Variants in UTRN observed in about 807,000 individuals in gnomAD.
UTRN encodes the protein dystrophin-related protein 1.
Under a neutral mutation model 463.9 loss-of-function variants are expected in UTRN, and 283 were observed. The ratio of observed to expected loss-of-function variants is 0.61; its 90% CI spans 0.55 to 0.67. The LOEUF is 0.67. Among genes scored for constraint, UTRN ranks in the 30% least tolerant of loss-of-function variants. UTRN has a pLI of 0.00. For synonymous variants in UTRN, 1,442 were observed against 1,431.5 expected, an observed-to-expected ratio of 1.01 and a Z score of -0.17; for missense variants, 3,922 against 4,084.3, an observed-to-expected ratio of 0.96 and a Z score of 1.08.
At chr6:144,361,774 T>TC (rs1554225859) in intron 2 of UTRN, among the ~76,000 whole-genome samples, 1 of 143,662 alleles carries the variant, frequency 7.0e-6, no homozygotes, top group Non-Finnish European at 1.5e-5. Context: ...CTTTCTTTCT[T>TC]TTTTTTTTTT....
chr6:144,774,217 C>A (rs1775104946), intron 59 of UTRN, 73 bp from the exon 60 acceptor site: 5 of 1,373,636 alleles, frequency 3.6e-6, no homozygotes, highest in African/African-American at 1.5e-5. Flanking sequence ...CCAAAGTAAC[C>A]AAATACATTC....
In UTRN at chr6:144,782,023, A is replaced by G. The variant is rs1248126863; in HGVS notation, c.8734A>G (p.Thr2912Ala). The G allele has an allele frequency of 1.2e-6, 2 of 1,613,994 alleles. No homozygotes were observed. The highest frequency in any genetic ancestry group is 1.7e-6 in the Non-Finnish European group (2 of 1,179,990). The change falls in exon 61 of 75, where the codon ACA becomes GCA. Residue 2912 changes from threonine to alanine, a missense_variant. Transcript: ENST00000367545. ...LSVPDVINCL[T>A]TTYDGLEQMH... is the part of the protein sequence containing the mutation. ...TGTTCCAGATGTCATCAACTGTCTG[A>G]CAACAACTTATGATGGACTTGAGCA...
chr6:144,428,472 C>A (rs1428465110), intron 7 of UTRN, among the ~76,000 whole-genome samples: 1 of 148,460 alleles, frequency 6.7e-6, no homozygotes, highest in Non-Finnish European at 1.5e-5. Flanking sequence ...GTAGGTTTCC[C>A]TTTACCCCCT....
intron 28 of UTRN, among the ~76,000 whole-genome samples, chr6:144,487,000 C>G (rs1005633239): frequency 3.3e-5 from 5 of 152,122 alleles, no homozygotes; most frequent in Non-Finnish European, 7.4e-5. Context: ...GTATATAAAA[C>G]AATGCCTCTT....
intron 51 of UTRN, among the ~76,000 whole-genome samples, chr6:144,655,293 G>C (rs118176232): frequency 1.3e-5 from 2 of 152,186 alleles, no homozygotes; most frequent in Non-Finnish European, 2.9e-5. Flanking sequence ...CTTGAAAGTC[G>C]AAATGTATGG....
intron 2 of UTRN, among the ~76,000 whole-genome samples, chr6:144,314,617 GTTACATAAAGCCTCCAGAGGAGTT>G (rs1480123774): frequency 1.3e-5 from 2 of 152,178 alleles, no homozygotes; most frequent in Non-Finnish European, 2.9e-5. Flanking sequence ...TATGCCCTAT[GTTACATAAAGCCTCCAGAGGAGTT>G]TGGGACAGTA....
In UTRN at chr6:144,403,160, A is replaced by G. The variant is rs1451408215; in HGVS notation, c.117A>G (p.Lys39=). 7 of 1,613,492 alleles carry G rather than the reference A, an allele frequency of 4.3e-6. No individual in the cohort carries two copies. The African/African-American group carries it at 5.3e-5, about 12-fold the overall frequency. Residue 39 remains lysine (K), a synonymous_variant, in exon 3 of 75, where the codon AAA becomes AAG. Transcript: ENST00000367545. ...HNDVQKKTFT[K]WINARFSKSG... is the part of the protein sequence containing the mutation. ...ACGTACAGAAGAAAACCTTTACCAA[A>G]TGGATAAATGCTCGATTTTCAAAGG...
At chr6:144,807,604 C>T (rs1031008149) in intron 65 of UTRN, among the ~76,000 whole-genome samples, 21 of 152,006 alleles carry the variant, frequency 1.4e-4, no homozygotes, top group African/African-American at 5.1e-4. Context: ...TCCATATGTC[C>T]AAATCCCACC....
At chr6:144,700,393 T>A in intron 53 of UTRN, 150 bp downstream of exon 53, 3 of 877,110 alleles carry the variant, frequency 3.4e-6, no homozygotes, top group Non-Finnish European at 4.9e-6. Context: ...AGTAGACATT[T>A]AAAGTGCATA....
Position 144,751,850 on chromosome 6 carries a change from G to A in UTRN, c.8253G>A (p.Thr2751=), listed in dbSNP as rs114686252. Residue 2751 remains threonine (T), a synonymous_variant, in exon 56 of 75, where the codon ACG becomes ACA. Coordinates refer to ENST00000367545, the MANE Select transcript of UTRN (RefSeq NM_007124.3). ...CACCAATCAACTTTAAAGTTAAAAC[G>A]GTGAATGATTTATCCAGTCAGCTGT... is the stretch of plus-strand genomic sequence containing the variant. The part of the protein sequence containing the change: ...EIAPINFKVK[T]VNDLSSQLSP... The A allele has an allele frequency of 2.0e-3, 3,194 of 1,611,144 alleles. 54 individuals are homozygous for A. The African/African-American group carries it at 0.038, about 19-fold the overall frequency.
chr6:144,599,813 A>G (rs1362021146), intron 51 of UTRN, among the ~76,000 whole-genome samples: 1 of 152,144 alleles, frequency 6.6e-6, no homozygotes, highest in African/African-American at 2.4e-5. Context: ...CCCCCATCTT[A>G]TCACACATAG....
At position 144,451,472 on chromosome 6, in the gene UTRN, C is replaced by A; in HGVS notation, c.2175C>A (p.Ser725=). The A allele has an allele frequency of 6.2e-7, 1 of 1,608,812 alleles. No homozygotes were observed. The highest frequency in any genetic ancestry group is 2.2e-5 in the East Asian group (1 of 44,758). Reference sequence around the variant, plus strand: ...AGTATATGAAGATGCAAGACACTTCCGAAATGAAAAAGAAGTTGAAGGTAA... The same window carrying A: ...AGTATATGAAGATGCAAGACACTTCAGAAATGAAAAAGAAGTTGAAGGTAA... ...IKEYMKMQDT[S]EMKKKLKALE... Residue 725 remains serine, a synonymous_variant, in exon 18 of 75, where the codon TCC becomes TCA. Coordinates refer to ENST00000367545, the MANE Select transcript of UTRN (RefSeq NM_007124.3).
At chr6:144,749,336 G>T (rs1273594839) in intron 55 of UTRN, among the ~76,000 whole-genome samples, 2 of 152,116 alleles carry the variant, frequency 1.3e-5, no homozygotes, top group Non-Finnish European at 2.9e-5. Context: ...CGAAATCCTT[G>T]GGGGTAATCA....
At chr6:144,397,758 T>C (rs1377199615) in intron 2 of UTRN, among the ~76,000 whole-genome samples, 1 of 152,168 alleles carries the variant, frequency 6.6e-6, no homozygotes, top group Non-Finnish European at 1.5e-5. Context: ...AAAGCCTTCT[T>C]TCCATTAAAT....
intron 53 of UTRN, among the ~76,000 whole-genome samples, chr6:144,721,448 A>G (rs953666937): frequency 3.3e-5 from 5 of 152,146 alleles, no homozygotes; most frequent in African/African-American, 1.2e-4. Context: ...GCCTCAAGCA[A>G]TCCTCCTGCC....
intron 55 of UTRN, among the ~76,000 whole-genome samples, chr6:144,751,036 A>G (rs1791336833): frequency 6.6e-6 from 1 of 152,168 alleles, no homozygotes; most frequent in South Asian, 2.1e-4. Context: ...TTTGACAGGG[A>G]TAGATCTTAC....
At chr6:144,501,912 C>G (rs904950275) in intron 34 of UTRN, among the ~76,000 whole-genome samples, 6 of 152,090 alleles carry the variant, frequency 3.9e-5, no homozygotes, top group African/African-American at 1.4e-4. Context: ...ACATTTTTGA[C>G]AAGTTTATAG....
Position 144,286,024 on chromosome 6 carries a change from G to A in UTRN, c.-93+203G>A, listed in dbSNP as rs939601241. On this transcript the variant is annotated intron_variant, in intron 1 of 74. Coordinates refer to ENST00000367545, the MANE Select transcript of UTRN (RefSeq NM_007124.3). This position sits in a 1 kb window ranked among gnomAD's most constrained non-coding sequence, Gnocchi z 4.4. The stretch of plus-strand genomic sequence containing the variant: ...CCTCGGGGCCTCAGTTTAGCTCCCC[G>A]CGGTGCGAGAGAGAATGCCGGAGGC... Among the ~76,000 whole-genome samples, 2 of 152,216 alleles carry A rather than the reference G, an allele frequency of 1.3e-5. No individual in the cohort carries two copies. The highest frequency in any genetic ancestry group is 2.4e-5 in the African/African-American group (1 of 41,460).
Position 144,692,794 on chromosome 6 carries a change from C to A in UTRN, c.7653-7293C>A, listed in dbSNP as rs568777778. 8.5e-5 allele frequency among the ~76,000 whole-genome samples: 13 copies of A among 152,160 alleles called. No homozygotes were observed. In the South Asian group the frequency reaches 1.5e-3, roughly 17 times the overall value. On this transcript the variant is annotated intron_variant, in intron 52 of 74. Coordinates refer to ENST00000367545, the MANE Select transcript of UTRN (RefSeq NM_007124.3). Reference sequence around the variant, plus strand: ...TTCCTTATAGATGCTCAATATTAGACCTTTGTCAGATGCATAGTTTGCAAC... The same window carrying A: ...TTCCTTATAGATGCTCAATATTAGAACTTTGTCAGATGCATAGTTTGCAAC...
Sources: allele counts gnomAD v4.1 joint callset (sites outside exome capture counted in the v4.1 genomes callset), GRCh38; gene constraint gnomAD v4.1.1; non-coding constraint Gnocchi (gnomAD v3.1); transcripts MANE v1.5; gene names NCBI Gene and HGNC (gene_info 2026-07-23, HGNC 2026-07-21).